Variants in IL1R1 observed in about 807,000 individuals in gnomAD.
IL1R1 encodes the protein interleukin 1 receptor type 1.
IL1R1 carries 22 observed loss-of-function variants against 50.2 expected under a neutral mutation model. The ratio of observed to expected loss-of-function variants is 0.44; its 90% confidence interval spans 0.31 to 0.63. IL1R1 has a LOEUF of 0.63. IL1R1 is among the 20% of genes least tolerant of loss of function. The pLI, the probability that IL1R1 is intolerant of heterozygous loss-of-function variation, is 0.07. For synonymous variants in IL1R1, 251 were observed against 236.7 expected (o/e 1.06, Z -0.55); for missense variants, 509 against 676.2 (o/e 0.75, Z 2.74).
intron 1 of IL1R1, among the ~76,000 whole-genome samples, chr2:102,110,748 T>A (rs1417748838): frequency 1.3e-5 from 2 of 151,934 alleles, no homozygotes; most frequent in East Asian, 3.9e-4. Flanking sequence ...TTGGTGATTG[T>A]GTTTTGAGGC....
intron 1 of IL1R1, among the ~76,000 whole-genome samples, chr2:102,077,807 A>G (rs1679037296): frequency 6.6e-6 from 1 of 152,212 alleles, no homozygotes; most frequent in Non-Finnish European, 1.5e-5. Context: ...TCCAGGGTTG[A>G]CCATATGTGA....
chr2:102,151,280 G>A (rs1375557448), intron 1 of IL1R1, among the ~76,000 whole-genome samples: 1 of 151,720 alleles, frequency 6.6e-6, no homozygotes, highest in Admixed American at 6.6e-5. Context: ...ATATGATTCC[G>A]GCCATCTCCA....
chr2:102,174,549 C>G, intron 9 of IL1R1, 38 bp from the exon 10 acceptor site: 1 of 1,482,494 alleles, frequency 6.7e-7, no homozygotes, highest in African/African-American at 1.4e-5. Flanking sequence ...CTTTTTGGTT[C>G]TAATATTTTT....
intron 1 of IL1R1, among the ~76,000 whole-genome samples, chr2:102,114,085 A>G (rs1680931325): frequency 6.6e-6 from 1 of 152,170 alleles, no homozygotes; most frequent in Admixed American, 6.5e-5. Context: ...GAGTCCATTC[A>G]TATCAAGCAT....
rs11883974 is a variant in IL1R1, at chr2:102,144,721, C to G, written c.-84+1701C>G. On this transcript the variant is annotated intron_variant, in intron 1 of 11. Coordinates refer to ENST00000410023, the MANE Select transcript of IL1R1 (RefSeq NM_000877.4). Reference sequence around the variant, plus strand: ...TCTTCAAAAGGGGGGTCTTTGAAATCCGCCCCTTTGTACAAGGGTGTGGAT... The same window carrying G: ...TCTTCAAAAGGGGGGTCTTTGAAATGCGCCCCTTTGTACAAGGGTGTGGAT... 3.0e-3 allele frequency among the ~76,000 whole-genome samples: 450 copies of G among 152,228 alleles called. 5 individuals carry two copies. Among genetic ancestry groups the G allele is most frequent in the African/African-American group, 0.01 (424 of 41,538 alleles).
chr2:102,090,104 G>A (rs529273650), intron 1 of IL1R1, among the ~76,000 whole-genome samples: 2 of 151,432 alleles, frequency 1.3e-5, no homozygotes, highest in African/African-American at 4.8e-5. Context: ...AAAGGGCTAG[G>A]ATTACAGGCA....
intron 1 of IL1R1, among the ~76,000 whole-genome samples, chr2:102,128,712 T>G (rs1270868221): frequency 1.3e-5 from 2 of 152,156 alleles, no homozygotes; most frequent in African/African-American, 4.8e-5. Flanking sequence ...AATCTCAAAC[T>G]CCTACATGTT....
intron 1 of IL1R1, among the ~76,000 whole-genome samples, chr2:102,095,785 A>G (rs1055059945): frequency 1.3e-5 from 2 of 152,212 alleles, no homozygotes; most frequent in Admixed American, 6.5e-5. Context: ...CGGGCGGATC[A>G]TGAGGTTAGG....
At chr2:102,101,497 C>T (rs1244033470), upstream of IL1R1, among the ~76,000 whole-genome samples, 1 of 152,132 alleles carries the variant, frequency 6.6e-6, no homozygotes, top group African/African-American at 2.4e-5. Context: ...CAAACATGCA[C>T]ACACATACAC....
At chr2:102,175,358 TCATGC>T (rs1488742824) in intron 10 of IL1R1, 115 bp from the exon 11 acceptor site, 6 of 756,850 alleles carry the variant, frequency 7.9e-6, no homozygotes, top group Non-Finnish European at 1.1e-5. Flanking sequence ...GCTGCTTCAG[TCATGC>T]CATTGTATAA....
intron 1 of IL1R1, among the ~76,000 whole-genome samples, chr2:102,119,116 T>C (rs902437463): frequency 5.3e-5 from 8 of 152,076 alleles, no homozygotes; most frequent in Admixed American, 5.2e-4. Flanking sequence ...TCTGAGCTTA[T>C]ATCTGCTGTG....
In IL1R1 at chr2:102,179,513, A is replaced by G. The variant is rs1346684593; in HGVS notation, c.*2754A>G. ...ACTTTTAATGCCTTCCACATTAATT[A>G]GATTTTCTTGCAGTTTTTTTATGGC... On this transcript the variant is annotated 3_prime_UTR_variant, in exon 12 of 12. Coordinates refer to ENST00000410023, the MANE Select transcript of IL1R1 (RefSeq NM_000877.4). 6.5e-6 allele frequency: 1 copy of G among 152,772 alleles called. No individual in the cohort carries two copies. Among genetic ancestry groups the G allele is most frequent in the East Asian group, 1.9e-4 (1 of 5,336 alleles). 9.5% of individuals were successfully genotyped at this position (152,772 alleles called of 1,614,324 possible). A position where few individuals can be genotyped will look rare whatever the true frequency, so the allele number is the denominator to read the frequency against.
At chr2:102,092,796 T>C (rs540147511) in intron 1 of IL1R1, among the ~76,000 whole-genome samples, 2 of 152,184 alleles carry the variant, frequency 1.3e-5, no homozygotes, top group East Asian at 3.9e-4. Flanking sequence ...TGGAGCCGTG[T>C]CCAAAGGAAG....
intron 1 of IL1R1, among the ~76,000 whole-genome samples, chr2:102,088,018 C>T (rs1403077263): frequency 6.6e-6 from 1 of 152,164 alleles, no homozygotes; most frequent in African/African-American, 2.4e-5. Flanking sequence ...AGTTCTCTTG[C>T]TATTTTCACC....
intron 1 of IL1R1, among the ~76,000 whole-genome samples, chr2:102,146,512 C>T (rs1683136451): frequency 6.6e-6 from 1 of 152,096 alleles, no homozygotes; most frequent in African/African-American, 2.4e-5. Context: ...GTCTGCAGGA[C>T]AGCTGGCATG....
At position 102,167,573 on chromosome 2, in the gene IL1R1, G is replaced by T. The variant is rs1011183647; in HGVS notation, c.656-1025G>T. The stretch of plus-strand genomic sequence containing the variant: ...TGCCATTCTTCTGCCTCAGCCTCCC[G>T]AGTAGCTGGAACTACAGGCGCCCGC... On this transcript the variant is annotated intron_variant, in intron 6 of 11. Transcript: ENST00000410023. Among the ~76,000 whole-genome samples, 6 of 148,562 alleles carry T rather than the reference G, an allele frequency of 4.0e-5. No individual in the cohort carries two copies. The Admixed American group carries it at 4.1e-4, about 10-fold the overall frequency.
chr2:102,119,566 A>C (rs1371239051), intron 1 of IL1R1, among the ~76,000 whole-genome samples: 1 of 152,214 alleles, frequency 6.6e-6, no homozygotes, highest in Non-Finnish European at 1.5e-5. Flanking sequence ...ACATAGTTTG[A>C]AGAGTCTTAA....
intron 1 of IL1R1, among the ~76,000 whole-genome samples, chr2:102,088,133 C>T (rs1015121111): frequency 6.6e-6 from 1 of 152,196 alleles, no homozygotes; most frequent in Non-Finnish European, 1.5e-5. Context: ...TGTTGACCTC[C>T]TCTCATTAAC....
rs200422134 is a variant in IL1R1 at position 102,172,795 on chromosome 2, T to C, written c.948T>C (p.Asn316=). 1.3e-5 allele frequency: 21 copies of C among 1,611,680 alleles called. No individual in the cohort carries two copies. The highest frequency in any genetic ancestry group is 1.7e-5 in the Non-Finnish European group (20 of 1,178,002). Residue 316 remains asparagine, a synonymous_variant, in exon 9 of 12, where the codon AAT becomes AAC. Transcript: ENST00000410023. ...ATCCATTTACCTGTTTTGCCAAGAATACACATGGTATAGATGCAGCATATA... is the reference window on the plus strand; with the variant it reads ...ATCCATTTACCTGTTTTGCCAAGAACACACATGGTATAGATGCAGCATATA... ...YKHPFTCFAK[N]THGIDAAYIQ...
Sources: allele counts gnomAD v4.1 joint callset (sites outside exome capture counted in the v4.1 genomes callset), GRCh38; gene constraint gnomAD v4.1.1; transcripts MANE v1.5; gene names NCBI Gene and HGNC (gene_info 2026-07-23, HGNC 2026-07-21).